LONP1: variants seen among roughly 807,000 people sequenced by gnomAD.
LONP1 encodes the protein lon protease homolog, mitochondrial.
A neutral mutation model predicts 98.5 loss-of-function variants in LONP1; 31 were observed. The observed-to-expected ratio is 0.31, with a 90% confidence interval of 0.24 to 0.42. LONP1 has a LOEUF of 0.42. Among genes scored for constraint, LONP1 ranks in the 20% least tolerant of loss-of-function variants. LONP1 has a pLI of 1.00. For synonymous variants in LONP1, 781 were observed against 594.7 expected (o/e 1.31, Z -4.56); for missense variants, 1,336 against 1,350.6 (o/e 0.99, Z 0.17).
At chr19:5,705,184 T>C (rs1599465869) in intron 8 of LONP1, among the ~76,000 whole-genome samples, 2 of 147,890 alleles carry the variant, frequency 1.4e-5, no homozygotes, top group Admixed American at 1.4e-4. Flanking sequence ...AAGCCAGGCA[T>C]GGTGGCTCGC....
intron 5 of LONP1, 151 bp downstream of exon 5, chr19:5,708,191 C>CA: frequency 1.3e-6 from 1 of 770,934 alleles, no homozygotes; most frequent in East Asian, 2.7e-5. Context: ...CCCCATGCCC[C>CA]AGTGGGCAAC....
chr19:5,697,622 C>T (rs145443071), intron 10 of LONP1, among the ~76,000 whole-genome samples: 4 of 149,446 alleles, frequency 2.7e-5, no homozygotes, highest in Non-Finnish European at 5.9e-5. Context: ...GCAGGTCATG[C>T]GGGGTCCTGT....
At position 5,705,884 on chromosome 19, in the gene LONP1, C is replaced by G. The variant is rs369496295; in HGVS notation, c.1255G>C (p.Glu419Gln). The G allele has an allele frequency of 6.2e-7, 1 of 1,614,074 alleles. No individual in the cohort carries two copies. Among genetic ancestry groups the G allele is most frequent in the African/African-American group, 1.3e-5 (1 of 74,940 alleles). Residue 419 changes from glutamate (E) to glutamine (Q), a missense_variant, in exon 8 of 18, where the codon GAG becomes CAG. Physicochemically the swap from Glu to Gln is conservative, Grantham distance 29. This residue lies in a region of LONP1 where 219 missense variants were observed against 241.0 expected (regional missense o/e 0.91). Coordinates refer to ENST00000360614, the MANE Select transcript of LONP1 (RefSeq NM_004793.4). ...TCCTTCAGGCGCTCCCGGAACTTCT[C>G]CTCGATGGCATCCTTGTCGTCCTTC... ...LEKDDKDAIE[E>Q]KFRERLKELV...
At chr19:5,719,156 A>T (rs1326780801) in intron 1 of LONP1, among the ~76,000 whole-genome samples, 1 of 152,166 alleles carries the variant, frequency 6.6e-6, no homozygotes, top group Non-Finnish European at 1.5e-5. Context: ...CAGCCGCCAG[A>T]GTAGCTGGGA....
chr19:5,711,850 G>T lies in LONP1; in HGVS notation c.791C>A (p.Pro264His). The T allele has an allele frequency of 6.2e-7, 1 of 1,612,876 alleles. No individual in the cohort carries two copies. ...CATGAGCACCTCAGCCGGGAGCTCA[G>T]GGGTGGGCTCCATCGCCAGCTCCGC... is the stretch of plus-strand genomic sequence containing the variant. ...HPAELAMEPT[P>H]ELPAEVLMVE... The change falls in exon 4 of 18, where the codon CCT becomes CAT. Residue 264 changes from proline (P) to histidine (H), a missense_variant. By Grantham distance (77) the Pro-to-His change is moderately conservative. This residue lies in a region of LONP1 where 457 missense variants were observed against 403.1 expected (regional missense o/e 1.13). Transcript: ENST00000360614.
intron 8 of LONP1, among the ~76,000 whole-genome samples, chr19:5,704,520 G>T (rs1348943210): frequency 6.6e-6 from 1 of 152,212 alleles, no homozygotes; most frequent in African/African-American, 2.4e-5. Context: ...TTCCCTCTAA[G>T]CGCTGTCCTA....
intron 17 of LONP1, among the ~76,000 whole-genome samples, chr19:5,693,049 A>G (rs2054857709): frequency 6.6e-6 from 1 of 152,274 alleles, no homozygotes; most frequent in Admixed American, 6.5e-5. Flanking sequence ...TGGGAAGAGA[A>G]GCAGGAGCCA....
rs1366351436 is a variant in LONP1, at chr19:5,711,976, A to G, written c.665T>C (p.Val222Ala). The G allele has an allele frequency of 1.9e-6, 3 of 1,612,820 alleles. No individual in the cohort carries two copies. Among genetic ancestry groups the G allele is most frequent in the Non-Finnish European group, 2.5e-6 (3 of 1,179,884 alleles). Reference protein sequence around the residue: ...RRVHISRQLEVEPEEPEAENK... With the variant: ...RRVHISRQLEAEPEEPEAENK... ...CTCCGCCTCCGGCTCCTCGGGCTCC[A>G]CCTCCAGCTGTCTGCTGATATGGAC... is the stretch of plus-strand genomic sequence containing the variant. Residue 222 changes from valine (V) to alanine (A), a missense_variant, in exon 4 of 18, where the codon GTG becomes GCG. Physicochemically the swap from Val to Ala is moderately conservative, Grantham distance 64. Around this residue, in one of 5 missense-constraint regions of LONP1, gnomAD observed 457 missense variants for 403.1 expected, o/e 1.13. Coordinates refer to ENST00000360614, the MANE Select transcript of LONP1 (RefSeq NM_004793.4).
At chr19:5,707,228 TGA>T (rs538555285) in intron 6 of LONP1, 85 bp from the exon 7 acceptor site, 14 of 1,066,190 alleles carry the variant, frequency 1.3e-5, no homozygotes, top group South Asian at 2.6e-5. Context: ...ATGCGCACCC[TGA>T]GAGATGCTGC....
chr19:5,719,989 G>A lies in LONP1; in HGVS notation c.144C>T (p.Ala48=), dbSNP rs562769505. The A allele has an allele frequency of 6.3e-6, 10 of 1,581,956 alleles. No homozygotes were observed. In the Admixed American group the frequency reaches 9.0e-5, roughly 14 times the overall value. The change falls in exon 1 of 18, where the codon GCC becomes GCT. Residue 48 remains alanine (A), a synonymous_variant. Transcript: ENST00000360614. ...GGCCCCACAGTGCCCAAGGAGGAGA[G>A]GCGTCGCAGGTCCGCTGGCCTCGGA... ...WLLRGQRTCD[A]SPPWALWGRG...
intron 8 of LONP1, 75 bp from the exon 9 acceptor site, chr19:5,701,002 G>A (rs2145596741): frequency 6.4e-7 from 1 of 1,562,880 alleles, no homozygotes; most frequent in Non-Finnish European, 8.8e-7. Context: ...TTGGCTGGGT[G>A]GTTGCAAGGG....
chr19:5,699,535 C>T (rs1473018473), intron 9 of LONP1, among the ~76,000 whole-genome samples: 1 of 151,708 alleles, frequency 6.6e-6, no homozygotes, highest in African/African-American at 2.4e-5. Flanking sequence ...AGAAGCAGTC[C>T]ACCAATGCCT....
At chr19:5,706,420 C>G (rs1228120866) in intron 7 of LONP1, among the ~76,000 whole-genome samples, 1 of 152,082 alleles carries the variant, frequency 6.6e-6, no homozygotes, top group East Asian at 1.9e-4. Flanking sequence ...ACCAGCCTGG[C>G]CAACATGGTG....
intron 4 of LONP1, 171 bp from the exon 5 acceptor site, chr19:5,708,574 T>C: frequency 5.3e-6 from 2 of 380,738 alleles, no homozygotes; most frequent in East Asian, 3.2e-5. Flanking sequence ...CAGTCCCTGG[T>C]GGACTCACCA....
intron 14 of LONP1, 85 bp from the exon 15 acceptor site, chr19:5,694,637 A>ATGGG: frequency 1.9e-6 from 3 of 1,563,608 alleles, no homozygotes; most frequent in Non-Finnish European, 2.6e-6. Context: ...GAAAGGTGTG[A>ATGGG]CGGGCGCGGG....
chr19:5,696,418 A>G (rs1568313032), intron 11 of LONP1, 47 bp from the exon 12 acceptor site: 1 of 1,597,944 alleles, frequency 6.3e-7, no homozygotes, highest in African/African-American at 1.3e-5. Context: ...GCCCCTGGCC[A>G]GCCCGCCCAG....
At position 5,705,953 on chromosome 19, in the gene LONP1, G is replaced by A; in HGVS notation, c.1186C>T (p.Leu396=). The A allele has an allele frequency of 6.2e-7, 1 of 1,613,724 alleles. No homozygotes were observed. The highest frequency in any genetic ancestry group is 8.5e-7 in the Non-Finnish European group (1 of 1,180,008). ...TTGATGATCTTTAGCTGCTCCTGCA[G>A]CAGGTACTTACGGTGGGTCTGCTTG... ...KIKQTHRKYL[L]QEQLKIIKKE... is the part of the protein sequence containing the mutation. Residue 396 remains leucine (L), a synonymous_variant, in exon 8 of 18, where the codon CTG becomes TTG. Coordinates refer to ENST00000360614, the MANE Select transcript of LONP1 (RefSeq NM_004793.4).
At chr19:5,715,497 C>A (rs2055301776) in intron 1 of LONP1, among the ~76,000 whole-genome samples, 1 of 150,786 alleles carries the variant, frequency 6.6e-6, no homozygotes, top group Non-Finnish European at 1.5e-5. Flanking sequence ...CAAAAATTAG[C>A]CGGGCGTGGT....
intron 1 of LONP1, among the ~76,000 whole-genome samples, chr19:5,715,626 A>G (rs1411563364): frequency 5.0e-5 from 6 of 120,342 alleles, no homozygotes; most frequent in East Asian, 3.0e-4. Context: ...TGGGCGACAG[A>G]GTGAGACTCT....
Sources: gnomAD v4.1 joint callset for allele counts (sites outside exome capture counted in the v4.1 genomes callset) on GRCh38, gnomAD v4.1.1 for gene constraint, gnomAD v4.1.1 regional missense constraint, MANE v1.5 for transcripts, NCBI Gene and HGNC (gene_info 2026-07-23, HGNC 2026-07-21) for gene names.